Variants in ZNF320 observed in about 807,000 individuals in gnomAD.
ZNF320 encodes zinc finger gene 320.
Under a neutral mutation model 6.8 loss-of-function variants are expected in ZNF320, and 2 were observed. The ratio of observed to expected loss-of-function variants is 0.29; its 90% CI spans 0.12 to 0.93. ZNF320 has a LOEUF of 0.93. Ranked by LOEUF, ZNF320 falls within the 40% of genes least tolerant of loss-of-function variation. The pLI, the probability that ZNF320 is intolerant of heterozygous loss-of-function variation, is 0.55. For missense variants in ZNF320, 472 were observed against 611.0 expected, an observed-to-expected ratio of 0.77 and a Z score of 2.40; for synonymous variants, 208 against 203.2, an observed-to-expected ratio of 1.02 and a Z score of -0.20.
intron 5 of ZNF320, among the ~76,000 whole-genome samples, chr19:52,886,123 G>C (rs2064070287): frequency 6.6e-6 from 1 of 151,818 alleles, no homozygotes; most frequent in African/African-American, 2.4e-5. Context: ...GTAGGTTATG[G>C]AATTTTTTTA....
At chr19:52,891,523 G>A (rs2064292402) in intron 2 of ZNF320, among the ~76,000 whole-genome samples, 177 bp from the exon 3 acceptor site, 1 of 152,164 alleles carries the variant, frequency 6.6e-6, no homozygotes, top group Admixed American at 6.5e-5. Flanking sequence ...GATCATTTAG[G>A]GACATAGGGT....
chr19:52,887,650 G>A (rs2064137577), intron 5 of ZNF320, among the ~76,000 whole-genome samples: 1 of 152,152 alleles, frequency 6.6e-6, no homozygotes, highest in Non-Finnish European at 1.5e-5. Context: ...GCAGCGGTGT[G>A]TTCTCGGCTC....
In ZNF320 at chr19:52,866,090, TTA is replaced by T. The variant is rs1292024565; in HGVS notation, c.224-1933_224-1932del. Among the ~76,000 whole-genome samples the T allele has an allele frequency of 2.6e-3, 160 of 62,542 alleles. 33 individuals carry two copies. Among genetic ancestry groups the T allele is most frequent in the Middle Eastern group, 8.8e-3 (1 of 114 alleles). The allele number at this position is 62,542 out of a possible 152,430, so 41.0% of individuals were successfully genotyped here. A position where few individuals can be genotyped will look rare whatever the true frequency, so the allele number is the denominator to read the frequency against. The stretch of plus-strand genomic sequence containing the variant: ...TTTATATATATGATTATACATATAT[TTA>T]TATATGTATGATTATACATATATTT... On this transcript the variant is annotated intron_variant, in intron 5 of 5. Coordinates refer to the ZNF320 transcript ENST00000673631.
intron 5 of ZNF320, among the ~76,000 whole-genome samples, chr19:52,865,751 TTATA>T (rs1334309107): frequency 3.2e-5 from 4 of 126,074 alleles, no homozygotes; most frequent in Non-Finnish European, 6.2e-5. Context: ...ACACATATAT[TTATA>T]TATATGATTA....
chr19:52,889,752 G>T (rs955990931), intron 4 of ZNF320, among the ~76,000 whole-genome samples: 2 of 152,024 alleles, frequency 1.3e-5, no homozygotes, highest in Admixed American at 1.3e-4. Flanking sequence ...AAGATTTTTT[G>T]AGTCAGAAAC....
At chr19:52,873,903 C>T (rs2063722499), downstream of ZNF320, 2 of 350,704 alleles carry the variant, frequency 5.7e-6, no homozygotes, top group Non-Finnish European at 1.2e-5. Context: ...AGGCAGGACG[C>T]TTCAGACTCA....
chr19:52,892,047 G>A (rs1367920641), intron 2 of ZNF320: 1 of 152,146 alleles, frequency 6.6e-6, no homozygotes, highest in African/African-American at 2.4e-5. Context: ...AAATGCAGAA[G>A]TGAAAACACA....
chr19:52,900,612 C>G (rs1017874596), upstream of ZNF320, among the ~76,000 whole-genome samples: 8 of 152,034 alleles, frequency 5.3e-5, no homozygotes, highest in Non-Finnish European at 1.2e-4. Flanking sequence ...TCATAGAAAG[C>G]CTGAAATACT....
intron 5 of ZNF320, among the ~76,000 whole-genome samples, chr19:52,886,986 G>C (rs1029687591): frequency 1.3e-5 from 1 of 77,834 alleles, no homozygotes; most frequent in African/African-American, 5.2e-5. Context: ...AAGAAGGAAG[G>C]AAGGAAGGAA....
chr19:52,875,215 G>C (rs1445295638), downstream of ZNF320, among the ~76,000 whole-genome samples: 2 of 152,170 alleles, frequency 1.3e-5, no homozygotes, highest in African/African-American at 4.8e-5. Flanking sequence ...CCTCATCTGA[G>C]ACATGTAGGA....
intron 1 of ZNF320, among the ~76,000 whole-genome samples, chr19:52,896,425 C>G (rs1430012425): frequency 2.0e-5 from 3 of 152,060 alleles, no homozygotes; most frequent in Non-Finnish European, 4.4e-5. Flanking sequence ...AATTAAGAAA[C>G]AAGGCGGGCA....
chr19:52,865,660 TAC>T (rs1301022481), intron 5 of ZNF320, among the ~76,000 whole-genome samples: 3 of 125,014 alleles, frequency 2.4e-5, no homozygotes, highest in South Asian at 2.3e-4. Context: ...TATATGATTA[TAC>T]ATATATATTA....
upstream of ZNF320, among the ~76,000 whole-genome samples, chr19:52,899,288 G>A (rs887994553): frequency 5.3e-5 from 8 of 152,104 alleles, no homozygotes; most frequent in African/African-American, 1.2e-4. Flanking sequence ...GATTGAGTCC[G>A]TGCCACACCT....
intron 5 of ZNF320, among the ~76,000 whole-genome samples, chr19:52,885,819 T>C (rs570066666): frequency 1.0e-3 from 152 of 151,938 alleles, no homozygotes; most frequent in Non-Finnish European, 2.1e-3. Flanking sequence ...GGCAGGAGAA[T>C]TGGTTGAACC....
intron 5 of ZNF320, among the ~76,000 whole-genome samples, chr19:52,870,149 C>T (rs569013559): frequency 1.3e-5 from 2 of 152,214 alleles, no homozygotes; most frequent in Admixed American, 1.3e-4. Context: ...GCCCTTCTTA[C>T]TATTAACTCA....
At chr19:52,892,968 A>G (rs898915436) in intron 2 of ZNF320, among the ~76,000 whole-genome samples, 16 of 146,494 alleles carry the variant, frequency 1.1e-4, no homozygotes, top group Admixed American at 1.1e-3. Context: ...TTTTCTCTAC[A>G]TTTCTCCAGT....
chr19:52,904,028 G>C, the ZNF320 span, among the ~76,000 whole-genome samples: 1,580 of 152,004 alleles, frequency 0.01, 31 homozygotes, highest in African/African-American at 0.036. Flanking sequence ...GGACAAAAGT[G>C]CCAATACAGG....
chr19:52,887,013 A>AGGAAGGAAGGAAGGAAAAGGAAAG (rs1555821425), intron 5 of ZNF320, among the ~76,000 whole-genome samples: 1 of 143,248 alleles, frequency 7.0e-6, no homozygotes, highest in African/African-American at 2.6e-5. Context: ...AAGGAAAAGA[A>AGGAAGGAAGGAAGGAAAAGGAAAG]AAAACAAAAC....
intron 5 of ZNF320, among the ~76,000 whole-genome samples, chr19:52,886,977 A>AAGAAAGAAAGAAG (rs2064102785): frequency 1.6e-5 from 2 of 123,152 alleles, no homozygotes; most frequent in African/African-American, 3.2e-5. Context: ...AAAGAAAGAA[A>AAGAAAGAAAGAAG]GAAGGAAGGA....
Sources: allele counts gnomAD v4.1 joint callset (sites outside exome capture counted in the v4.1 genomes callset), GRCh38; gene constraint gnomAD v4.1.1; transcripts MANE v1.5; gene names NCBI Gene and HGNC (gene_info 2026-07-23, HGNC 2026-07-21).